ZNF611: variants seen among roughly 807,000 people sequenced by gnomAD.
ZNF611 encodes the protein zinc finger protein 611.
ZNF611 carries 6 observed loss-of-function variants against 8.9 expected under a neutral mutation model. The ratio of observed to expected loss-of-function variants is 0.68; its 90% CI spans 0.37 to 1.34. ZNF611 has a LOEUF of 1.34. ZNF611 is among the 40% of genes most tolerant of loss of function. The pLI is 0.02. For missense variants in ZNF611, 874 were observed against 841.3 expected (o/e 1.04, Z -0.48); for synonymous variants, 262 against 279.7 (o/e 0.94, Z 0.63).
chr19:52,716,044 G>A, intron 3 of ZNF611, 131 bp from the exon 4 acceptor site: 1 of 1,024,152 alleles, frequency 9.8e-7, no homozygotes, highest in Non-Finnish European at 1.4e-6. Flanking sequence ...CAGAGATCAT[G>A]CAGAGATAAG....
chr19:52,708,296 C>G (rs1490973694), intron 5 of ZNF611: 1 of 152,064 alleles, frequency 6.6e-6, no homozygotes, highest in Non-Finnish European at 1.5e-5. Flanking sequence ...GAGATTGAGA[C>G]CATCCTGGCT....
rs756878755 is a variant in ZNF611 at position 52,714,179 on chromosome 19, G to A, written c.64-38C>T. The A allele has an allele frequency of 3.7e-6, 6 of 1,606,816 alleles. No homozygotes were observed. In the Admixed American group the frequency reaches 5.2e-5, roughly 14 times the overall value. ...ACACATTTCAACAAAACATTATGGA[G>A]TAATGAGTTATCACCTTCACAGAAA... On this transcript the variant is annotated intron_variant, in intron 4 of 5. Coordinates refer to ENST00000652185, the MANE Select transcript of ZNF611 (RefSeq NM_001161499.2).
At chr19:52,717,312 A>T (rs1408435231) in intron 3 of ZNF611, among the ~76,000 whole-genome samples, 2 of 152,204 alleles carry the variant, frequency 1.3e-5, no homozygotes, top group Non-Finnish European at 2.9e-5. Flanking sequence ...GTCAAATGGG[A>T]GATCACAAAG....
intron 3 of ZNF611, among the ~76,000 whole-genome samples, chr19:52,716,914 G>A (rs1445594125): frequency 2.0e-5 from 3 of 151,912 alleles, no homozygotes; most frequent in Admixed American, 6.6e-5. Context: ...AAACTGATCC[G>A]GGCATCTACT....
At chr19:52,734,374 G>A (rs1344333637) in intron 1 of ZNF611, among the ~76,000 whole-genome samples, 3 of 152,018 alleles carry the variant, frequency 2.0e-5, no homozygotes, top group African/African-American at 7.3e-5. Context: ...CCTGCATCCC[G>A]GAGGAGCGCA....
At chr19:52,718,730 G>T (rs1454832693) in intron 3 of ZNF611, among the ~76,000 whole-genome samples, 1 of 151,914 alleles carries the variant, frequency 6.6e-6, no homozygotes, top group Admixed American at 6.6e-5. Context: ...CTCCAGAGGC[G>T]AACTTTGCAG....
intron 5 of ZNF611, among the ~76,000 whole-genome samples, chr19:52,713,771 A>G (rs2062296011): frequency 6.6e-6 from 1 of 152,068 alleles, no homozygotes; most frequent in Admixed American, 6.6e-5. Flanking sequence ...CATGCCTATA[A>G]TAACAGCTAC....
At chr19:52,717,052 CA>C (rs2062322301) in intron 3 of ZNF611, among the ~76,000 whole-genome samples, 1 of 151,764 alleles carries the variant, frequency 6.6e-6, no homozygotes, top group Non-Finnish European at 1.5e-5. Flanking sequence ...AAAGGAAACT[CA>C]AAAGACTGCA....
At chr19:52,718,658 C>T (rs977766935) in intron 3 of ZNF611, among the ~76,000 whole-genome samples, 35 of 151,074 alleles carry the variant, frequency 2.3e-4, no homozygotes, top group African/African-American at 8.5e-4. Context: ...ATTAGCCGGC[C>T]ATGGTGGTGC....
intron 5 of ZNF611, among the ~76,000 whole-genome samples, chr19:52,712,625 A>C (rs1247435220): frequency 6.7e-6 from 1 of 149,282 alleles, no homozygotes; most frequent in Non-Finnish European, 1.5e-5. Context: ...GTGACAGAGC[A>C]ATACTCCGTC....
chr19:52,733,564 A>C (rs902877160), intron 1 of ZNF611, among the ~76,000 whole-genome samples: 13 of 95,490 alleles, frequency 1.4e-4, no homozygotes, highest in African/African-American at 5.3e-4. Context: ...AGTCTCCTAA[A>C]GTGTGGAGAC....
intron 3 of ZNF611, among the ~76,000 whole-genome samples, chr19:52,725,119 G>A (rs903288363): frequency 1.3e-5 from 2 of 152,130 alleles, no homozygotes; most frequent in Non-Finnish European, 2.9e-5. Context: ...ACATCCTGGA[G>A]AAGCGCATTT....
At chr19:52,723,646 G>C (rs368994112) in intron 3 of ZNF611, 1 of 152,222 alleles carries the variant, frequency 6.6e-6, no homozygotes, top group African/African-American at 2.4e-5. Context: ...CAGAGACAAC[G>C]TATAGAGAAA....
intron 3 of ZNF611, chr19:52,717,641 T>A: frequency 1.0e-6 from 1 of 972,406 alleles, no homozygotes; most frequent in Non-Finnish European, 1.2e-6. Context: ...CATGAACACA[T>A]GGGCTCTGCT....
chr19:52,730,067 T>C (rs1359364139), intron 1 of ZNF611, 62 bp from the exon 2 acceptor site: 1 of 152,066 alleles, frequency 6.6e-6, no homozygotes. Context: ...CAGAAAACAT[T>C]GTATAAAACA....
intron 1 of ZNF611, among the ~76,000 whole-genome samples, chr19:52,734,187 G>C (rs2161528): frequency 1.3e-3 from 114 of 84,630 alleles, no homozygotes; most frequent in Middle Eastern, 5.7e-3. Flanking sequence ...GCTTTCTTAG[G>C]TTTTTTTTTT....
intron 3 of ZNF611, among the ~76,000 whole-genome samples, chr19:52,728,057 C>T (rs1056621119): frequency 6.6e-6 from 1 of 152,012 alleles, no homozygotes; most frequent in Non-Finnish European, 1.5e-5. Flanking sequence ...CAAGCATGTG[C>T]CACCACACCC....
rs188668387 is a variant in ZNF611 at position 52,715,986 on chromosome 19, G to C, written c.-19-73C>G. ...CTTCCTGTGACAAAAACACACGAAC[G>C]GGGGAGACGTCACCCTGTAGAAAGA... On this transcript the variant is annotated intron_variant, in intron 3 of 5. Transcript: ENST00000652185. The C allele has an allele frequency of 5.2e-6, 8 of 1,552,154 alleles. No individual in the cohort carries two copies. The East Asian group carries it at 1.8e-4, about 35-fold the overall frequency.
At chr19:52,725,900 C>A (rs898245913) in intron 3 of ZNF611, among the ~76,000 whole-genome samples, 11 of 152,146 alleles carry the variant, frequency 7.2e-5, no homozygotes, top group African/African-American at 2.7e-4. Context: ...CGGGACCGGA[C>A]CTGTGCATCT....
Sources: gnomAD v4.1 joint callset for allele counts (sites outside exome capture counted in the v4.1 genomes callset) on GRCh38, gnomAD v4.1.1 for gene constraint, MANE v1.5 for transcripts, NCBI Gene and HGNC (gene_info 2026-07-23, HGNC 2026-07-21) for gene names.